COL6A6: variants seen among roughly 807,000 people sequenced by gnomAD.
COL6A6 encodes collagen alpha-6(VI) chain.
A neutral mutation model predicts 208.6 loss-of-function variants in COL6A6; 183 were observed. That is an observed-to-expected ratio of 0.88 (90% CI 0.78 to 0.99). The LOEUF (loss-of-function observed/expected upper bound fraction) is 0.99. COL6A6 is among the 50% of genes least tolerant of loss of function. COL6A6 has a pLI of 0.00. For synonymous variants in COL6A6, 973 were observed against 1,011.8 expected (o/e 0.96, Z 0.73); for missense variants, 2,816 against 2,815.2 (o/e 1.00, Z -0.01).
intron 10 of COL6A6, among the ~76,000 whole-genome samples, chr3:130,582,560 A>G (rs2063450310): frequency 6.6e-6 from 1 of 152,116 alleles, no homozygotes; most frequent in African/African-American, 2.4e-5. Context: ...TTGGCCAACC[A>G]TGGTGTTTGA....
intron 31 of COL6A6, among the ~76,000 whole-genome samples, chr3:130,644,697 C>T (rs2065418230): frequency 6.6e-6 from 1 of 152,180 alleles, no homozygotes; most frequent in Non-Finnish European, 1.5e-5. Context: ...CAGCGCACCT[C>T]CCTGCAATGT....
chr3:130,660,159 T>G (rs911474732), intron 34 of COL6A6, among the ~76,000 whole-genome samples: 6 of 152,224 alleles, frequency 3.9e-5, no homozygotes, highest in Non-Finnish European at 5.9e-5. Flanking sequence ...AACCCTTGTT[T>G]TGTCTCTTAG....
intron 19 of COL6A6, 53 bp from the exon 20 acceptor site, chr3:130,599,704 A>G: frequency 6.3e-7 from 1 of 1,588,330 alleles, no homozygotes; most frequent in Non-Finnish European, 8.6e-7. Flanking sequence ...TTAAAGAGAA[A>G]CTCTGTCAAT....
chr3:130,531,019 C>CACACACACACACACACAG (rs1559954445), intron 1 of COL6A6, among the ~76,000 whole-genome samples: 3 of 45,398 alleles, frequency 6.6e-5, no homozygotes, highest in Admixed American at 2.4e-4. Context: ...CTCCTCTACA[C>CACACACACACACACACAG]ACACACACAC....
chr3:130,592,449 A>T (rs1464390154), intron 13 of COL6A6, 92 bp from the exon 14 acceptor site: 2 of 947,206 alleles, frequency 2.1e-6, no homozygotes, highest in East Asian at 5.2e-5. Context: ...GAGCATTCAC[A>T]CTTTTTTTGG....
Position 130,544,516 on chromosome 3 carries a change from G to A in COL6A6, c.-31-15818G>A, listed in dbSNP as rs554704550. Among the ~76,000 whole-genome samples the A allele has an allele frequency of 1.1e-3, 168 of 152,252 alleles. 1 individual carries two copies. Among genetic ancestry groups the A allele is most frequent in the African/African-American group, 3.8e-3 (157 of 41,548 alleles). Reference sequence around the variant, plus strand: ...AGGAGTGCAGATATCTTTACAAGGTGGTAATTTCATTTCCTTTGGGTATAT... The same window carrying A: ...AGGAGTGCAGATATCTTTACAAGGTAGTAATTTCATTTCCTTTGGGTATAT... On this transcript the variant is annotated intron_variant, in intron 1 of 36. Transcript: ENST00000358511.
chr3:130,650,219 C>G (rs1006763233), intron 33 of COL6A6, among the ~76,000 whole-genome samples: 5 of 152,164 alleles, frequency 3.3e-5, no homozygotes, highest in Non-Finnish European at 7.3e-5. Context: ...CTGGGCCCAG[C>G]AAAGGGTCCT....
Position 130,626,564 on chromosome 3 carries a change from T to C in COL6A6, c.4941+17T>C, listed in dbSNP as rs117055687. On this transcript the variant is annotated intron_variant, in intron 25 of 36. Coordinates refer to ENST00000358511, the MANE Select transcript of COL6A6 (RefSeq NM_001102608.3). ...GGCTTGCAGGTTTGTATTTTGACAC[T>C]AGTTTTGATCGGATTCTTGGAATCT... 2.1e-5 allele frequency: 34 copies of C among 1,592,434 alleles called. No individual in the cohort carries two copies. In the East Asian group the frequency reaches 7.4e-4, roughly 35 times the overall value.
intron 23 of COL6A6, among the ~76,000 whole-genome samples, chr3:130,616,766 G>T (rs1227687634): frequency 1.3e-5 from 2 of 152,090 alleles, no homozygotes; most frequent in Non-Finnish European, 2.9e-5. Context: ...GTGGTAAATG[G>T]TATACGGTCT....
At chr3:130,590,788 C>G (rs1167423805) in intron 12 of COL6A6, among the ~76,000 whole-genome samples, 1 of 151,918 alleles carries the variant, frequency 6.6e-6, no homozygotes, top group African/African-American at 2.4e-5. Flanking sequence ...AGGATGGTCT[C>G]GATCTCCTGG....
rs563053141 is a variant in COL6A6 at position 130,568,988 on chromosome 3, AC to A, written c.2401+386del. Among the ~76,000 whole-genome samples the A allele has an allele frequency of 2.7e-3, 412 of 152,300 alleles. 1 individual carries two copies. Among genetic ancestry groups the A allele is most frequent in the South Asian group, 4.6e-3 (22 of 4,832 alleles). On this transcript the variant is annotated intron_variant, in intron 6 of 36. Transcript: ENST00000358511. Reference sequence around the variant, plus strand: ...TGGGTAGGAACTGAACAAGGAAATCACCTTAGGTGGAGTCTAGTTTGGCCTG... The same window carrying A: ...TGGGTAGGAACTGAACAAGGAAATCACTTAGGTGGAGTCTAGTTTGGCCTG...
rs2065947598 is a variant in COL6A6 at position 130,662,012 on chromosome 3, T to C, written c.6206T>C (p.Leu2069Pro). Residue 2069 changes from leucine (L) to proline (P), a missense_variant, in exon 35 of 37, where the codon CTG becomes CCG. Leu to Pro is a moderately conservative substitution (Grantham distance 98). Coordinates refer to ENST00000358511, the MANE Select transcript of COL6A6 (RefSeq NM_001102608.3). ...AFIGHALQWTLDNVFLSTPNL... is the reference protein window; with the variant it reads ...AFIGHALQWTPDNVFLSTPNL... ...ATTGGTCATGCCTTACAGTGGACTC[T>C]GGACAATGTATTTTTAAGTACACCC... 2 of 1,614,022 alleles carry C rather than the reference T, an allele frequency of 1.2e-6. No individual in the cohort carries two copies. Among genetic ancestry groups the C allele is most frequent in the Non-Finnish European group, 1.7e-6 (2 of 1,179,892 alleles).
At chr3:130,628,800 T>C (rs1200375070) in intron 26 of COL6A6, among the ~76,000 whole-genome samples, 2 of 66,858 alleles carry the variant, frequency 3.0e-5, no homozygotes, top group Non-Finnish European at 4.6e-5. Flanking sequence ...AAGACGGTGA[T>C]TTCTGCATTT....
At chr3:130,647,000 C>A (rs1323050574) in intron 32 of COL6A6, among the ~76,000 whole-genome samples, 2 of 152,148 alleles carry the variant, frequency 1.3e-5, no homozygotes, top group Non-Finnish European at 2.9e-5. Context: ...TAAGGACCAT[C>A]AGTGTTGTGT....
At chr3:130,563,782 G>T in intron 3 of COL6A6, 118 bp downstream of exon 3, 1 of 672,268 alleles carries the variant, frequency 1.5e-6, no homozygotes, top group Non-Finnish European at 2.5e-6. Context: ...ATTTTCAGAT[G>T]TTATGTACCC....
chr3:130,581,665 T>C lies in COL6A6; in HGVS notation c.3652T>C (p.Leu1218=). The change falls in exon 9 of 37, where the codon TTA becomes CTA. Residue 1218 remains leucine (L), a synonymous_variant. Transcript: ENST00000358511. ...GATGGAAACCTACCTTCAAGACATC[T>C]TACGTGCCATCAGCTCCCTCAATGG... ...PWMETYLQDI[L]RAISSLNGVS... 6.2e-7 allele frequency: 1 copy of C among 1,613,986 alleles called. No individual in the cohort carries two copies. The highest frequency in any genetic ancestry group is 8.5e-7 in the Non-Finnish European group (1 of 1,179,852).
intron 10 of COL6A6, among the ~76,000 whole-genome samples, chr3:130,585,510 A>G (rs2063518218): frequency 6.6e-6 from 1 of 152,230 alleles, no homozygotes; most frequent in African/African-American, 2.4e-5. Flanking sequence ...TTGTTGCTGA[A>G]TTACTTCCTC....
At chr3:130,530,864 T>C (rs1242175842) in intron 1 of COL6A6, among the ~76,000 whole-genome samples, 1 of 152,008 alleles carries the variant, frequency 6.6e-6, no homozygotes, top group Non-Finnish European at 1.5e-5. Flanking sequence ...GGAGAAGAAA[T>C]TCTGCTTTCA....
At chr3:130,659,395 T>C (rs990781043) in intron 34 of COL6A6, among the ~76,000 whole-genome samples, 3 of 152,192 alleles carry the variant, frequency 2.0e-5, no homozygotes, top group Non-Finnish European at 2.9e-5. Flanking sequence ...ACTGGAATCA[T>C]TGGTGGCTGT....
Sources: allele counts gnomAD v4.1 joint callset (sites outside exome capture counted in the v4.1 genomes callset), GRCh38; gene constraint gnomAD v4.1.1; transcripts MANE v1.5; gene names NCBI Gene and HGNC (gene_info 2026-07-23, HGNC 2026-07-21).